Variants in ZHX2 observed in about 807,000 individuals in gnomAD.
The protein encoded by ZHX2 is zinc fingers and homeoboxes protein 2.
A neutral mutation model predicts 21.9 loss-of-function variants in ZHX2; 6 were observed. The ratio of observed to expected loss-of-function variants is 0.27; its 90% confidence interval spans 0.15 to 0.54. The LOEUF (loss-of-function observed/expected upper bound fraction) is 0.54. Ranked by LOEUF, ZHX2 falls within the 20% of genes least tolerant of loss-of-function variation. The pLI is 0.95. For synonymous variants in ZHX2, 434 were observed against 437.1 expected, an observed-to-expected ratio of 0.99 and a Z score of 0.09; for missense variants, 908 against 1,090.7, an observed-to-expected ratio of 0.83 and a Z score of 2.36.
At chr8:122,937,331 T>C (rs766017760) in intron 2 of ZHX2, among the ~76,000 whole-genome samples, 5 of 152,210 alleles carry the variant, frequency 3.3e-5, no homozygotes, top group Admixed American at 2.6e-4. Context: ...GAGTCGATGC[T>C]GGTGCATTTG....
intron 2 of ZHX2, among the ~76,000 whole-genome samples, chr8:122,865,939 G>A (rs1563759773): frequency 1.3e-5 from 2 of 152,160 alleles, no homozygotes; most frequent in African/African-American, 4.8e-5. Context: ...GTGGAAGGCT[G>A]TCAAGGTGGC....
rs1380322503 is a variant in ZHX2, at chr8:122,953,902, G to A, written c.2392G>A (p.Val798Ile). Residue 798 changes from valine (V) to isoleucine (I), a missense_variant, in exon 3 of 4, where the codon GTC becomes ATC. Val to Ile is a conservative substitution (Grantham distance 29, BLOSUM62 3). Transcript: ENST00000314393. This position sits in a 1 kb window ranked among gnomAD's most constrained non-coding sequence, Gnocchi z 4.6. ...SSVVDYVEVT[V>I]GEEDAISDRS... is the part of the protein sequence containing the mutation. Reference sequence around the variant, plus strand: ...CGTTGTGGATTACGTGGAGGTGACGGTCGGGGAGGAGGATGCGATCTCAGA... The same window carrying A: ...CGTTGTGGATTACGTGGAGGTGACGATCGGGGAGGAGGATGCGATCTCAGA... 1 of 1,614,214 alleles carries A rather than the reference G, an allele frequency of 6.2e-7. No homozygotes were observed. Among genetic ancestry groups the A allele is most frequent in the Admixed American group, 1.7e-5 (1 of 60,024 alleles).
At chr8:122,827,779 AC>A (rs1420318607) in intron 1 of ZHX2, among the ~76,000 whole-genome samples, 2 of 152,214 alleles carry the variant, frequency 1.3e-5, no homozygotes, top group Admixed American at 6.5e-5. Flanking sequence ...AACCACAATT[AC>A]ATTTGCACCA....
rs977189589 is a variant in ZHX2 at position 122,828,025 on chromosome 8, G to C, written c.-282-35452G>C. 2.6e-5 allele frequency among the ~76,000 whole-genome samples: 4 copies of C among 152,172 alleles called. No homozygotes were observed. The highest frequency in any genetic ancestry group is 6.5e-5 in the Admixed American group (1 of 15,284). On this transcript the variant is annotated intron_variant, in intron 1 of 3. Coordinates refer to ENST00000314393, the MANE Select transcript of ZHX2 (RefSeq NM_014943.5). This position sits in a 1 kb window ranked among gnomAD's most constrained non-coding sequence, Gnocchi z 5.2. ...GCTACTCGGGAGGCTGAGATGGGAG[G>C]ATCACTTGAGCCCAGAAGGTTGAGG...
At chr8:122,797,039 A>G (rs968291720) in intron 1 of ZHX2, among the ~76,000 whole-genome samples, 1 of 152,160 alleles carries the variant, frequency 6.6e-6, no homozygotes, top group East Asian at 1.9e-4. Flanking sequence ...GTTTGGAGAA[A>G]AGTATTTTGG....
At chr8:122,949,327 AG>A (rs375138580) in intron 2 of ZHX2, among the ~76,000 whole-genome samples, 7 of 151,860 alleles carry the variant, frequency 4.6e-5, no homozygotes, top group Middle Eastern at 3.2e-3. Context: ...CTATCTGAAA[AG>A]AAAAAAAGGA....
intron 2 of ZHX2, among the ~76,000 whole-genome samples, chr8:122,872,987 G>A (rs1187161976): frequency 1.3e-5 from 2 of 152,170 alleles, no homozygotes; most frequent in Non-Finnish European, 2.9e-5. Flanking sequence ...GAGAAACTCA[G>A]GTCACCTGTC....
At chr8:122,971,620 A>AATAAAAAAT (rs773947648) in intron 3 of ZHX2, among the ~76,000 whole-genome samples, 4 of 149,808 alleles carry the variant, frequency 2.7e-5, no homozygotes, top group Non-Finnish European at 4.4e-5. Context: ...ACAAAAAAAA[A>AATAAAAAAT]AAAAAAAAAA....
chr8:122,921,866 C>T (rs1185102933), intron 2 of ZHX2, among the ~76,000 whole-genome samples: 3 of 152,048 alleles, frequency 2.0e-5, no homozygotes, highest in African/African-American at 7.2e-5. Context: ...AGAGATGAGT[C>T]GATGTTAACC....
Position 122,941,568 on chromosome 8 carries a change from C to T in ZHX2, c.-219-9724C>T, listed in dbSNP as rs549935987. 5.9e-5 allele frequency among the ~76,000 whole-genome samples: 9 copies of T among 152,292 alleles called. No individual in the cohort carries two copies. The South Asian group carries it at 1.9e-3, about 32-fold the overall frequency. On this transcript the variant is annotated intron_variant, in intron 2 of 3. Transcript: ENST00000314393. ...TCTTCCCCCGTTTCTACCTCGTCCT[C>T]CAAATTGTCTGTCATTCCCTTTGGG...
chr8:122,876,264 C>T (rs1819571400), intron 2 of ZHX2, among the ~76,000 whole-genome samples: 1 of 152,054 alleles, frequency 6.6e-6, no homozygotes, highest in African/African-American at 2.4e-5. Flanking sequence ...TCATTGTTGC[C>T]AGGAAGCACA....
intron 2 of ZHX2, among the ~76,000 whole-genome samples, chr8:122,872,635 A>G (rs1230244462): frequency 1.3e-5 from 2 of 152,234 alleles, no homozygotes; most frequent in African/African-American, 4.8e-5. Flanking sequence ...AAGGAAATGA[A>G]AACACCTATA....
intron 2 of ZHX2, among the ~76,000 whole-genome samples, chr8:122,870,753 T>G (rs971245793): frequency 6.6e-6 from 1 of 151,462 alleles, no homozygotes; most frequent in African/African-American, 2.4e-5. Context: ...AGATGGTGGC[T>G]GTTCCGATGG....
chr8:122,838,325 T>C (rs1208161799), intron 1 of ZHX2, among the ~76,000 whole-genome samples: 1 of 152,144 alleles, frequency 6.6e-6, no homozygotes, highest in Admixed American at 6.5e-5. Context: ...TCACATGCCC[T>C]TTGTCTATGT....
chr8:122,859,572 C>T (rs1819113555), intron 1 of ZHX2, among the ~76,000 whole-genome samples: 1 of 151,562 alleles, frequency 6.6e-6, no homozygotes, highest in Non-Finnish European at 1.5e-5. Flanking sequence ...GGCAGTGAGC[C>T]AGGAACAGTG....
intron 2 of ZHX2, among the ~76,000 whole-genome samples, chr8:122,875,111 A>G (rs2129726450): frequency 1.0e-5 from 1 of 96,442 alleles, no homozygotes; most frequent in Non-Finnish European, 2.2e-5. Flanking sequence ...ACCTGCTTTT[A>G]GAGGAAGGAA....
At chr8:122,797,679 G>A (rs1419517858) in intron 1 of ZHX2, among the ~76,000 whole-genome samples, 2 of 152,138 alleles carry the variant, frequency 1.3e-5, no homozygotes, top group Non-Finnish European at 2.9e-5. Flanking sequence ...AACAGGATGT[G>A]GAGGAGCAGT....
Position 122,848,772 on chromosome 8 carries a change from G to A in ZHX2, c.-282-14705G>A, listed in dbSNP as rs115125908. Among the ~76,000 whole-genome samples the A allele has an allele frequency of 3.1e-3, 475 of 152,366 alleles. 1 individual carries two copies. The highest frequency in any genetic ancestry group is 0.011 in the African/African-American group (464 of 41,596). On this transcript the variant is annotated intron_variant, in intron 1 of 3. Transcript: ENST00000314393. ...GAGCAATTTCTAGTTGGCTGGCAGC[G>A]GTTCTGAGGCCGGCAGCGTGCCCTG...
At chr8:122,924,743 C>T (rs1484397297) in intron 2 of ZHX2, among the ~76,000 whole-genome samples, 5 of 152,124 alleles carry the variant, frequency 3.3e-5, no homozygotes, top group South Asian at 2.1e-4. Flanking sequence ...TTGAATGAAC[C>T]GATTGGCCCA....
Sources: gnomAD v4.1 joint callset for allele counts (sites outside exome capture counted in the v4.1 genomes callset) on GRCh38, gnomAD v4.1.1 for gene constraint, Gnocchi (gnomAD v3.1) non-coding constraint, MANE v1.5 for transcripts, NCBI Gene and HGNC (gene_info 2026-07-23, HGNC 2026-07-21) for gene names.